The following BRDT variants were observed in gnomAD, a reference collection of about 807,000 sequenced individuals.
BRDT encodes bromodomain testis-specific protein.
BRDT carries 77 observed loss-of-function variants against 113.9 expected under a neutral mutation model. The observed-to-expected ratio is 0.68, with a 90% CI of 0.56 to 0.82. The LOEUF (loss-of-function observed/expected upper bound fraction) is 0.82. BRDT is among the 40% of genes least tolerant of loss of function. BRDT has a pLI of 0.00. For missense variants in BRDT, 1,027 were observed against 1,105.4 expected (o/e 0.93, Z 1.01); for synonymous variants, 358 against 366.5 (o/e 0.98, Z 0.26).
intron 15 of BRDT, among the ~76,000 whole-genome samples, chr1:91,998,172 C>T (rs370637803): frequency 3.9e-5 from 6 of 151,994 alleles, no homozygotes; most frequent in African/African-American, 1.2e-4. Flanking sequence ...ACTAAATTGC[C>T]GCCATGAAAA....
chr1:91,995,412 TGTG>T (rs1686211817), intron 15 of BRDT, among the ~76,000 whole-genome samples: 1 of 5,052 alleles, frequency 2.0e-4, no homozygotes, highest in African/African-American at 3.0e-4. Context: ...TCTGTGTGTG[TGTG>T]TGTGTGTGTG....
chr1:91,961,739 A>G (rs908653568), intron 1 of BRDT, among the ~76,000 whole-genome samples: 1 of 152,126 alleles, frequency 6.6e-6, no homozygotes, highest in Non-Finnish European at 1.5e-5. Flanking sequence ...ATACTTACAC[A>G]CTGATCATAT....
Position 91,962,722 on chromosome 1 carries a change from T to G in BRDT, c.-33T>G, listed in dbSNP as rs200800858. 26 of 1,512,890 alleles carry G rather than the reference T, an allele frequency of 1.7e-5. 1 individual carries two copies. The East Asian group carries it at 5.9e-4, about 34-fold the overall frequency. The allele number at this position is 1,512,890 out of a possible 1,614,324, so 93.7% of individuals were successfully genotyped here. On this transcript the variant is annotated 5_prime_UTR_variant, in exon 2 of 19. The change abolishes an upstream ATG in the 5' untranslated region. Transcript: ENST00000399546. ...TACTCAGTTTTTGTTTTTCAGGACATGTACTTGTAGACAGGATTCAAAGCA... is the reference window on the plus strand; with the variant it reads ...TACTCAGTTTTTGTTTTTCAGGACAGGTACTTGTAGACAGGATTCAAAGCA...
At chr1:91,964,185 T>C (rs1682812180) in intron 2 of BRDT, among the ~76,000 whole-genome samples, 1 of 152,188 alleles carries the variant, frequency 6.6e-6, no homozygotes, top group African/African-American at 2.4e-5. Context: ...CTCAAACTCC[T>C]GAGTAGCTGG....
chr1:91,991,872 A>G (rs1003355384), intron 13 of BRDT, among the ~76,000 whole-genome samples: 5 of 151,892 alleles, frequency 3.3e-5, no homozygotes, highest in Admixed American at 1.3e-4. Context: ...TGCGCCTGTA[A>G]TCCCAGCTAC....
chr1:91,964,818 G>T, intron 3 of BRDT, 54 bp downstream of exon 3: 1 of 1,210,640 alleles, frequency 8.3e-7, no homozygotes, highest in South Asian at 2.5e-5. Context: ...ATATAGGAGA[G>T]AAATGTATAA....
intron 1 of BRDT, chr1:91,957,681 A>G (rs1019344236): frequency 1.3e-5 from 2 of 152,090 alleles, no homozygotes; most frequent in African/African-American, 4.8e-5. Flanking sequence ...TTTGGTGTAC[A>G]TTCCATGAGT....
At chr1:91,974,395 G>T (rs1683920014) in intron 4 of BRDT, among the ~76,000 whole-genome samples, 1 of 152,112 alleles carries the variant, frequency 6.6e-6, no homozygotes, top group Non-Finnish European at 1.5e-5. Context: ...ATCTGACAAA[G>T]GGCTAATATC....
intron 4 of BRDT, 96 bp downstream of exon 4, chr1:91,968,356 A>G: frequency 1.4e-6 from 2 of 1,473,346 alleles, no homozygotes; most frequent in Admixed American, 2.4e-5. Context: ...ACAGACATCC[A>G]GAAGTCCTAC....
At chr1:91,993,416 A>G (rs939482227) in intron 14 of BRDT, among the ~76,000 whole-genome samples, 2 of 152,304 alleles carry the variant, frequency 1.3e-5, no homozygotes, top group African/African-American at 4.8e-5. Flanking sequence ...TGCTTCTATT[A>G]TTTCTAGAAA....
intron 4 of BRDT, among the ~76,000 whole-genome samples, chr1:91,971,402 A>G (rs1557821178): frequency 6.6e-6 from 1 of 152,190 alleles, no homozygotes; most frequent in Non-Finnish European, 1.5e-5. Context: ...CTTCAGAGGG[A>G]ATGTCTAAGT....
At chr1:91,987,480 C>T (rs1685357795) in intron 12 of BRDT, among the ~76,000 whole-genome samples, 3 of 151,678 alleles carry the variant, frequency 2.0e-5, no homozygotes, top group Admixed American at 2.0e-4. Flanking sequence ...GCTACAGGTG[C>T]ACACCACCAT....
In BRDT at chr1:91,976,268, A is replaced by T; in HGVS notation, c.448A>T (p.Thr150Ser). The stretch of plus-strand genomic sequence containing the variant: ...GATTCTGGCTCATACTTTTCCAGGC[A>T]CTCAACAGAATATAGCTGTTTCTTC... ...VGVKERIKKG[T>S]QQNIAVSSAK... is the part of the protein sequence containing the mutation. The change falls in exon 5 of 19, where the codon ACT becomes TCT. Residue 150 changes from threonine (T) to serine (S), a missense_variant and splice_region_variant. Coordinates refer to ENST00000399546, the MANE Select transcript of BRDT (RefSeq NM_207189.4). 6.3e-7 allele frequency: 1 copy of T among 1,590,218 alleles called. No individual in the cohort carries two copies. Among genetic ancestry groups the T allele is most frequent in the Admixed American group, 1.8e-5 (1 of 54,288 alleles).
intron 12 of BRDT, among the ~76,000 whole-genome samples, chr1:91,984,550 C>T (rs113565989): frequency 6.6e-6 from 1 of 152,032 alleles, no homozygotes; most frequent in African/African-American, 2.4e-5. Context: ...AAATTAGGCA[C>T]ATCAGCAAAA....
At chr1:91,952,461 G>A (rs897038209) in intron 1 of BRDT, among the ~76,000 whole-genome samples, 33 of 152,056 alleles carry the variant, frequency 2.2e-4, no homozygotes, top group Admixed American at 9.8e-4. Flanking sequence ...CTATGAGTCC[G>A]CTTCAGTAAG....
chr1:91,984,967 ATAAT>A (rs1685073534), intron 12 of BRDT, among the ~76,000 whole-genome samples: 1 of 152,096 alleles, frequency 6.6e-6, no homozygotes, highest in African/African-American at 2.4e-5. Context: ...TGCTTTAAAA[ATAAT>A]TATGATTTGG....
chr1:91,982,770 AT>A (rs2101686164), intron 12 of BRDT, among the ~76,000 whole-genome samples: 2 of 152,134 alleles, frequency 1.3e-5, no homozygotes, highest in Admixed American at 1.3e-4. Flanking sequence ...AGTGATAAAC[AT>A]TTTTGGAGAA....
chr1:92,002,178 T>G, intron 16 of BRDT, 29 bp downstream of exon 16: 1 of 1,509,132 alleles, frequency 6.6e-7, no homozygotes, highest in Non-Finnish European at 9.2e-7. Context: ...TTCTAACAAA[T>G]CTTGAAGGGA....
chr1:91,961,903 A>G (rs1682488049), intron 1 of BRDT, among the ~76,000 whole-genome samples: 2 of 151,980 alleles, frequency 1.3e-5, no homozygotes, highest in Non-Finnish European at 2.9e-5. Context: ...CACGCTTGTA[A>G]TCCCAGCACT....
Sources: allele counts gnomAD v4.1 joint callset (sites outside exome capture counted in the v4.1 genomes callset), GRCh38; gene constraint gnomAD v4.1.1; transcripts MANE v1.5; gene names NCBI Gene and HGNC (gene_info 2026-07-23, HGNC 2026-07-21).